The following GABRG3 variants were observed in gnomAD, a reference collection of about 807,000 sequenced individuals.
The protein encoded by GABRG3 is gamma-aminobutyric acid type A receptor subunit gamma3, also known as gamma-aminobutyric acid receptor subunit gamma-3.
A neutral mutation model predicts 48.8 loss-of-function variants in GABRG3; 25 were observed. The observed-to-expected ratio is 0.51, with a 90% CI of 0.37 to 0.72. The LOEUF (loss-of-function observed/expected upper bound fraction) is 0.72. GABRG3 is among the 30% of genes least tolerant of loss of function. The probability of loss-of-function intolerance (pLI) is 0.00; values close to 1 mark genes in which losing one functional copy is unlikely to be tolerated. For synonymous variants in GABRG3, 227 were observed against 217.6 expected, an observed-to-expected ratio of 1.04 and a Z score of -0.38; for missense variants, 394 against 577.9, an observed-to-expected ratio of 0.68 and a Z score of 3.26.
intron 3 of GABRG3, among the ~76,000 whole-genome samples, chr15:27,297,223 T>C (rs1892023189): frequency 6.6e-6 from 1 of 152,186 alleles, no homozygotes; most frequent in South Asian, 2.1e-4. Flanking sequence ...AAAGAAAGTT[T>C]ATAAAGTAAA....
rs1450373392 is a variant in GABRG3, at chr15:27,388,014, AG to A, written c.574+59129del. 1.4e-4 allele frequency among the ~76,000 whole-genome samples: 10 copies of A among 71,534 alleles called. 1 individual carries two copies. In the East Asian group the frequency reaches 1.4e-3, roughly 10 times the overall value. 46.9% of individuals were successfully genotyped at this position (71,534 alleles called of 152,430 possible). A position where few individuals can be genotyped will look rare whatever the true frequency, so the allele number is the denominator to read the frequency against. On this transcript the variant is annotated intron_variant, in intron 5 of 9. Coordinates refer to ENST00000615808, the MANE Select transcript of GABRG3 (RefSeq NM_033223.5). ...GGTAAGGAAGGAAGGAAGGAAGGAAAGGGAGGAGGGAGGGAGGAAAGGAAGG... is the reference window on the plus strand; with the variant it reads ...GGTAAGGAAGGAAGGAAGGAAGGAAAGGAGGAGGGAGGGAGGAAAGGAAGG...
At chr15:27,499,881 T>C (rs1296143857) in intron 6 of GABRG3, among the ~76,000 whole-genome samples, 1 of 152,164 alleles carries the variant, frequency 6.6e-6, no homozygotes, top group East Asian at 1.9e-4. Context: ...ACCCAAAGGA[T>C]GGGAGGAGCT....
intron 3 of GABRG3, among the ~76,000 whole-genome samples, chr15:27,276,338 G>T (rs186983326): frequency 6.6e-6 from 1 of 152,160 alleles, no homozygotes; most frequent in South Asian, 2.1e-4. Context: ...GACAGATCCC[G>T]AATATGCTGT....
At chr15:27,529,183 A>T (rs1398255620) in intron 9 of GABRG3, among the ~76,000 whole-genome samples, 1 of 152,226 alleles carries the variant, frequency 6.6e-6, no homozygotes, top group African/African-American at 2.4e-5. Context: ...TGAGGAAATT[A>T]AAGTGTGGAT....
At chr15:27,197,334 G>T (rs1888526437) in intron 3 of GABRG3, among the ~76,000 whole-genome samples, 1 of 152,118 alleles carries the variant, frequency 6.6e-6, no homozygotes, top group East Asian at 1.9e-4. Flanking sequence ...GCCCCAAACA[G>T]CTTTCATGAT....
intron 2 of GABRG3, among the ~76,000 whole-genome samples, chr15:27,025,085 A>T (rs1367974454): frequency 1.4e-5 from 2 of 146,930 alleles, no homozygotes; most frequent in Non-Finnish European, 3.0e-5. Context: ...GCATTTTGTG[A>T]GTGTGTGTGT....
intron 3 of GABRG3, among the ~76,000 whole-genome samples, chr15:27,288,067 T>G (rs1891675591): frequency 6.6e-6 from 1 of 152,154 alleles, no homozygotes; most frequent in African/African-American, 2.4e-5. Flanking sequence ...CTGTTAGTTT[T>G]GATAAAAGTA....
At chr15:27,017,083 T>A (rs1345857683) in intron 2 of GABRG3, among the ~76,000 whole-genome samples, 1 of 152,218 alleles carries the variant, frequency 6.6e-6, no homozygotes, top group Non-Finnish European at 1.5e-5. Flanking sequence ...TATCTGCTAA[T>A]TCATATATTC....
At chr15:27,388,367 A>AGAAG (rs1896104238) in intron 5 of GABRG3, among the ~76,000 whole-genome samples, 1 of 66,956 alleles carries the variant, frequency 1.5e-5, no homozygotes, top group South Asian at 7.1e-4. Context: ...GAAGGAAGGA[A>AGAAG]GAAAGGAAGG....
rs561620883 is a variant in GABRG3 at position 26,976,610 on chromosome 15, C to T, written c.54-392C>T. Among the ~76,000 whole-genome samples, 3 of 151,956 alleles carry T rather than the reference C, an allele frequency of 2.0e-5. No individual in the cohort carries two copies. The highest frequency in any genetic ancestry group is 6.6e-5 in the Admixed American group (1 of 15,248). On this transcript the variant is annotated intron_variant, in intron 1 of 9. Coordinates refer to ENST00000615808, the MANE Select transcript of GABRG3 (RefSeq NM_033223.5). The surrounding 1 kb of genome is among the most constrained non-coding windows in gnomAD (Gnocchi z 7.8). ...CTTGGTGGTCAGGGTGGAAACACCA[C>T]GATGCAGTCACCATATAGAAAACCT...
In GABRG3 at chr15:26,981,253, T is replaced by C. The variant is rs535907519; in HGVS notation, c.202+4103T>C. ...TTTTGGCTTTTGTGAATAAAACTGC[T>C]GTGAGCATTTCTGTACAAAAAAAGA... On this transcript the variant is annotated intron_variant, in intron 2 of 9. Transcript: ENST00000615808. Among the ~76,000 whole-genome samples the C allele has an allele frequency of 2.0e-5, 3 of 152,376 alleles. 1 individual carries two copies. In the South Asian group the frequency reaches 6.2e-4, roughly 32 times the overall value.
intron 3 of GABRG3, among the ~76,000 whole-genome samples, chr15:27,271,384 C>T (rs1321196486): frequency 2.0e-5 from 3 of 152,260 alleles, no homozygotes; most frequent in Admixed American, 6.5e-5. Flanking sequence ...GTGCTCACTG[C>T]TTTCCACGGG....
intron 2 of GABRG3, among the ~76,000 whole-genome samples, chr15:26,990,404 G>T (rs1895225904): frequency 6.6e-6 from 1 of 152,056 alleles, no homozygotes; most frequent in African/African-American, 2.4e-5. Flanking sequence ...ATGCCTGTTT[G>T]CCATTTGTAT....
chr15:27,005,256 G>A (rs4887539), intron 2 of GABRG3, among the ~76,000 whole-genome samples: 73,471 of 151,268 alleles, frequency 0.49, 18,499 homozygotes, highest in Middle Eastern at 0.61. Context: ...GCTGGAGTGC[G>A]GTGGTGCAAT....
intron 3 of GABRG3, among the ~76,000 whole-genome samples, chr15:27,079,334 G>T (rs1032831135): frequency 4.6e-5 from 7 of 152,202 alleles, no homozygotes; most frequent in Non-Finnish European, 1.0e-4. Context: ...ATACAATATT[G>T]AGGAACTTTT....
chr15:27,383,257 T>C (rs1004146446), intron 5 of GABRG3, among the ~76,000 whole-genome samples: 1 of 152,248 alleles, frequency 6.6e-6, no homozygotes, highest in Admixed American at 6.5e-5. Flanking sequence ...GTGCTATTAC[T>C]TATTTGTCAT....
chr15:27,382,851 C>T (rs12917494), intron 5 of GABRG3, among the ~76,000 whole-genome samples: 59,695 of 151,714 alleles, frequency 0.39, 11,942 homozygotes, highest in South Asian at 0.48. Context: ...TTCGGTGGAA[C>T]GATTAGGGAA....
intron 4 of GABRG3, 22 bp from the exon 5 acceptor site, chr15:27,328,784 C>T (rs369393344): frequency 6.2e-7 from 1 of 1,610,742 alleles, no homozygotes; most frequent in African/African-American, 1.3e-5. Flanking sequence ...CTGAGCTAGA[C>T]TGACACTTGG....
chr15:27,458,997 C>T (rs1889370493), intron 5 of GABRG3, among the ~76,000 whole-genome samples: 1 of 152,226 alleles, frequency 6.6e-6, no homozygotes, highest in Non-Finnish European at 1.5e-5. Flanking sequence ...TTGCTCGATT[C>T]TTCCAACACC....
Sources: gnomAD v4.1 joint callset for allele counts (sites outside exome capture counted in the v4.1 genomes callset) on GRCh38, gnomAD v4.1.1 for gene constraint, Gnocchi (gnomAD v3.1) non-coding constraint, MANE v1.5 for transcripts, NCBI Gene and HGNC (gene_info 2026-07-23, HGNC 2026-07-21) for gene names.